The following UNC13B variants were observed in gnomAD, a reference collection of about 807,000 sequenced individuals.
UNC13B encodes the protein protein unc-13 homolog B.
UNC13B carries 144 observed loss-of-function variants against 211.0 expected under a neutral mutation model. The observed-to-expected ratio is 0.68, with a 90% CI of 0.60 to 0.78. UNC13B has a LOEUF of 0.78. Ranked by LOEUF, UNC13B falls within the 30% of genes least tolerant of loss-of-function variation. The probability of loss-of-function intolerance (pLI) is 0.00; values close to 1 mark genes in which losing one functional copy is unlikely to be tolerated. For synonymous variants in UNC13B, 709 were observed against 725.8 expected, an observed-to-expected ratio of 0.98 and a Z score of 0.37; for missense variants, 1,777 against 2,002.0, an observed-to-expected ratio of 0.89 and a Z score of 2.14.
intron 7 of UNC13B, among the ~76,000 whole-genome samples, chr9:35,278,774 A>G (rs554255376): frequency 6.6e-6 from 1 of 152,154 alleles, no homozygotes; most frequent in African/African-American, 2.4e-5. Flanking sequence ...ACAAAATTCG[A>G]TGTAAAAATG....
intron 6 of UNC13B, among the ~76,000 whole-genome samples, chr9:35,253,981 A>AT (rs1399151930): frequency 6.6e-6 from 1 of 152,138 alleles, no homozygotes; most frequent in Non-Finnish European, 1.5e-5. Context: ...ATTTTTGTTA[A>AT]TCTAACAAGT....
chr9:35,245,859 T>C (rs1008976098), intron 6 of UNC13B, among the ~76,000 whole-genome samples: 1 of 152,206 alleles, frequency 6.6e-6, no homozygotes, highest in Non-Finnish European at 1.5e-5. Flanking sequence ...CCTTTGGGTC[T>C]ATACCCAGTA....
At chr9:35,350,753 C>T (rs1832673792) in intron 11 of UNC13B, among the ~76,000 whole-genome samples, 1 of 152,194 alleles carries the variant, frequency 6.6e-6, no homozygotes, top group Non-Finnish European at 1.5e-5. Context: ...GTCCTTTCTC[C>T]AAGTGAACGG....
Position 35,375,208 on chromosome 9 carries a change from G to A in UNC13B, c.9615+7G>A. 6.2e-7 allele frequency: 1 copy of A among 1,614,014 alleles called. No individual in the cohort carries two copies. Among genetic ancestry groups the A allele is most frequent in the South Asian group, 1.1e-5 (1 of 91,082 alleles). ...TCTTAAGGACGAAGAGCTGGTAAGT[G>A]TCCCAAGTGCTTTCGTAAGTCCACT... On this transcript the variant is annotated splice_region_variant and intron_variant, in intron 14 of 39. Transcript: ENST00000635942.
chr9:35,381,118 CAGCCGT>C lies in UNC13B; in HGVS notation c.10395_10400del (p.Ala3466_Val3467del). 1 of 1,614,042 alleles carries C rather than the reference CAGCCGT, an allele frequency of 6.2e-7. No homozygotes were observed. The highest frequency in any genetic ancestry group is 8.5e-7 in the Non-Finnish European group (1 of 1,179,960). ...TTCCTAGAGAAGAGGACAGACAAATCAGCCGTCTCAGGGGCTATCCGACTACAAATC... is the reference window on the plus strand; with the variant it reads ...TTCCTAGAGAAGAGGACAGACAAATCCTCAGGGGCTATCCGACTACAAATC... On this transcript the variant is annotated inframe_deletion, in exon 19 of 40. Coordinates refer to ENST00000635942, the MANE Select transcript of UNC13B (RefSeq NM_001371189.2).
chr9:35,335,083 T>G (rs945474580), intron 11 of UNC13B, among the ~76,000 whole-genome samples: 1 of 152,128 alleles, frequency 6.6e-6, no homozygotes, highest in African/African-American at 2.4e-5. Flanking sequence ...TACACGGCCC[T>G]AAGTAACTGA....
Position 35,231,191 on chromosome 9 carries a change from C to T in UNC13B, c.124C>T (p.Gln42Ter), listed in dbSNP as rs1825182182. The change falls in exon 3 of 40, where the codon CAG (glutamine) becomes TAG (stop). Residue 42 changes from glutamine (Q) to a stop codon, truncating the protein, a stop_gained. Transcript: ENST00000635942. LOFTEE classifies it high-confidence loss of function. The part of the protein sequence containing the change: ...KSTTVAVRGD[Q>*]PSWEQDFMFE... ...CACAACTGTAGCAGTTCGTGGTGAT[C>T]AGCCTTCCTGGGAACAGGATTTCAT... The T allele has an allele frequency of 3.7e-6, 6 of 1,613,170 alleles. No individual in the cohort carries two copies. The highest frequency in any genetic ancestry group is 4.2e-6 in the Non-Finnish European group (5 of 1,179,262).
At chr9:35,252,335 A>T (rs200141334) in intron 6 of UNC13B, among the ~76,000 whole-genome samples, 4 of 151,342 alleles carry the variant, frequency 2.6e-5, no homozygotes, top group Non-Finnish European at 4.4e-5. Context: ...TCTTTCTTTT[A>T]TTTATTTATT....
At chr9:35,179,676 A>G (rs1821829181) in intron 1 of UNC13B, among the ~76,000 whole-genome samples, 1 of 152,110 alleles carries the variant, frequency 6.6e-6, no homozygotes, top group African/African-American at 2.4e-5. Flanking sequence ...CTGCAGTCCC[A>G]GCTTTTTGGA....
At chr9:35,335,014 G>A (rs1333943835) in intron 11 of UNC13B, among the ~76,000 whole-genome samples, 1 of 152,218 alleles carries the variant, frequency 6.6e-6, no homozygotes, top group Non-Finnish European at 1.5e-5. Flanking sequence ...TTCCAGCTGG[G>A]TGACAAGAGT....
intron 1 of UNC13B, among the ~76,000 whole-genome samples, chr9:35,191,118 C>A (rs1489034549): frequency 6.6e-6 from 1 of 152,086 alleles, no homozygotes; most frequent in Non-Finnish European, 1.5e-5. Flanking sequence ...AGCCACCACA[C>A]CCAGCTAATT....
intron 1 of UNC13B, among the ~76,000 whole-genome samples, chr9:35,187,087 G>C (rs1564055591): frequency 6.6e-6 from 1 of 152,150 alleles, no homozygotes; most frequent in Non-Finnish European, 1.5e-5. Flanking sequence ...CGGTTAGAAG[G>C]TGCTACCATC....
chr9:35,364,869 G>A lies in UNC13B; in HGVS notation c.9415-2078G>A, dbSNP rs550300682. On this transcript the variant is annotated intron_variant, in intron 11 of 39. Coordinates refer to ENST00000635942, the MANE Select transcript of UNC13B (RefSeq NM_001371189.2). ...GCTTATACTCAGTTTGACTCCCCCA[G>A]ACACTGATTACCCTCCTTTTCTCCT... 9.2e-5 allele frequency among the ~76,000 whole-genome samples: 14 copies of A among 152,316 alleles called. No individual in the cohort carries two copies. In the South Asian group the frequency reaches 2.9e-3, roughly 32 times the overall value.
intron 1 of UNC13B, among the ~76,000 whole-genome samples, chr9:35,171,250 C>A (rs190201317): frequency 2.0e-5 from 3 of 151,922 alleles, no homozygotes; most frequent in Non-Finnish European, 2.9e-5. Context: ...TACAGGTGCC[C>A]GCCACCACGC....
chr9:35,381,986 G>A (rs983967663), intron 20 of UNC13B, among the ~76,000 whole-genome samples: 1 of 152,148 alleles, frequency 6.6e-6, no homozygotes, highest in Admixed American at 6.5e-5. Flanking sequence ...AGTATGCAAG[G>A]ACAACCTGCC....
intron 1 of UNC13B, among the ~76,000 whole-genome samples, chr9:35,197,519 C>T (rs548140430): frequency 1.9e-4 from 29 of 152,290 alleles, no homozygotes; most frequent in African/African-American, 6.7e-4. Flanking sequence ...TTTTTCAAAA[C>T]CCCTGTTTGT....
intron 1 of UNC13B, among the ~76,000 whole-genome samples, chr9:35,163,459 A>G (rs1474857551): frequency 2.0e-5 from 3 of 152,176 alleles, no homozygotes; most frequent in South Asian, 2.1e-4. Context: ...GGATTATGAG[A>G]TATACAGTTT....
chr9:35,375,917 T>C lies in UNC13B; in HGVS notation c.9616-111T>C, dbSNP rs866165597. On this transcript the variant is annotated intron_variant, in intron 14 of 39. Coordinates refer to ENST00000635942, the MANE Select transcript of UNC13B (RefSeq NM_001371189.2). Reference sequence around the variant, plus strand: ...ATTGCTTGAACCTGGGAGGTGGAGGTTGCAATGAGCCGAGATCATACCACT... The same window carrying C: ...ATTGCTTGAACCTGGGAGGTGGAGGCTGCAATGAGCCGAGATCATACCACT... 11 of 1,044,530 alleles carry C rather than the reference T, an allele frequency of 1.1e-5. No individual in the cohort carries two copies. In the African/African-American group the frequency reaches 1.4e-4, roughly 13 times the overall value. The allele number at this position is 1,044,530 out of a possible 1,614,324, so 64.7% of individuals were successfully genotyped here.
At chr9:35,188,374 A>T (rs1822475090) in intron 1 of UNC13B, among the ~76,000 whole-genome samples, 1 of 152,258 alleles carries the variant, frequency 6.6e-6, no homozygotes, top group African/African-American at 2.4e-5. Context: ...AAGTTTAGTT[A>T]TCTCTGTGAT....
Sources: gnomAD v4.1 joint callset for allele counts (sites outside exome capture counted in the v4.1 genomes callset) on GRCh38, gnomAD v4.1.1 for gene constraint, MANE v1.5 for transcripts, NCBI Gene and HGNC (gene_info 2026-07-23, HGNC 2026-07-21) for gene names.